The following ZNF600 variants were observed in gnomAD, a reference collection of about 807,000 sequenced individuals.
ZNF600 encodes zinc finger protein 600.
A neutral mutation model predicts 7.3 loss-of-function variants in ZNF600; 4 were observed. That is an observed-to-expected ratio of 0.55 (90% confidence interval 0.27 to 1.25). The LOEUF (loss-of-function observed/expected upper bound fraction) is 1.25. Ranked by LOEUF, ZNF600 falls within the 50% of genes most tolerant of loss-of-function variation. The probability of loss-of-function intolerance (pLI) is 0.12; values close to 1 mark genes in which losing one functional copy is unlikely to be tolerated. For missense variants in ZNF600, 911 were observed against 922.1 expected, an observed-to-expected ratio of 0.99 and a Z score of 0.16; for synonymous variants, 290 against 308.9, an observed-to-expected ratio of 0.94 and a Z score of 0.64.
At chr19:52,825,728 G>A in the ZNF600 span, among the ~76,000 whole-genome samples, 7,387 of 152,084 alleles carry the variant, frequency 0.049, 231 homozygotes, top group East Asian at 0.15. Flanking sequence ...GCTCATGCCT[G>A]TAATCCCAGC....
the ZNF600 span, among the ~76,000 whole-genome samples, chr19:52,797,258 C>A: frequency 6.6e-6 from 1 of 152,192 alleles, no homozygotes; most frequent in Non-Finnish European, 1.5e-5. Flanking sequence ...CATGAAACGA[C>A]CACAGTGGAA....
At chr19:52,790,739 T>G (rs1219198269), upstream of ZNF600, among the ~76,000 whole-genome samples, 12 of 141,478 alleles carry the variant, frequency 8.5e-5, no homozygotes. Context: ...CAGCCTGGAG[T>G]GCAGTGGCAC....
chr19:52,798,976 G>C, the ZNF600 span: 1 of 1,177,748 alleles, frequency 8.5e-7, no homozygotes, highest in South Asian at 1.4e-5. Context: ...GGTGTGCCAG[G>C]TGTGAATCAC....
chr19:52,773,185 G>A (rs868137033), intron 3 of ZNF600, among the ~76,000 whole-genome samples: 2,218 of 152,034 alleles, frequency 0.015, 21 homozygotes, highest in African/African-American at 0.05. Context: ...ATGTAGGAGT[G>A]AACTTTGTGC....
chr19:52,801,027 C>T, the ZNF600 span: 3 of 1,614,160 alleles, frequency 1.9e-6, no homozygotes, highest in Non-Finnish European at 2.5e-6. Context: ...ACACTCATTA[C>T]ACTTGTAAGG....
chr19:52,798,808 G>T, the ZNF600 span: 1 of 820,332 alleles, frequency 1.2e-6, no homozygotes, highest in Non-Finnish European at 2.0e-6. Flanking sequence ...GATTTGCAAT[G>T]GTTGTAGCAT....
Position 52,774,458 on chromosome 19 carries a change from CAAAAAAA to C in ZNF600, c.190+110_190+116del, listed in dbSNP as rs35098902. The C allele has an allele frequency of 2.5e-4, 205 of 814,936 alleles. 1 individual carries two copies. Among genetic ancestry groups the C allele is most frequent in the Middle Eastern group, 6.3e-4 (1 of 1,582 alleles). 50.5% of individuals were successfully genotyped at this position (814,936 alleles called of 1,614,324 possible). A position where few individuals can be genotyped will look rare whatever the true frequency, so the allele number is the denominator to read the frequency against. On this transcript the variant is annotated intron_variant, in intron 3 of 3. Coordinates refer to ENST00000648973, the Ensembl canonical transcript of ZNF600. ...CAAAAAAACAAAACAAAAAAACAAC[CAAAAAAA>C]AAAAAAAAGCCATGCATGGGGCAAA...
chr19:52,781,773 A>C lies in ZNF600; in HGVS notation c.-19-2866T>G, dbSNP rs890773250. On this transcript the variant is annotated intron_variant, in intron 1 of 3. Coordinates refer to ENST00000648973, the Ensembl canonical transcript of ZNF600. ...GTGACACTCTATCTTAAAAAAAAAA[A>C]AAACAGCGGTCAGGCAAGGTGGCTC... 3.3e-5 allele frequency among the ~76,000 whole-genome samples: 5 copies of C among 151,876 alleles called. No individual in the cohort carries two copies. The South Asian group carries it at 6.2e-4, about 19-fold the overall frequency.
chr19:52,798,846 A>G, the ZNF600 span: 1 of 1,172,080 alleles, frequency 8.5e-7, no homozygotes, highest in Non-Finnish European at 1.2e-6. Context: ...CAATCATTAT[A>G]TTAGTCAAGT....
the ZNF600 span, among the ~76,000 whole-genome samples, chr19:52,796,864 G>A: frequency 6.6e-6 from 1 of 152,162 alleles, no homozygotes; most frequent in African/African-American, 2.4e-5. Flanking sequence ...CCTTCTGAGT[G>A]CCTCAAACTA....
the ZNF600 span, among the ~76,000 whole-genome samples, chr19:52,793,062 C>T: frequency 6.6e-6 from 1 of 150,768 alleles, no homozygotes; most frequent in African/African-American, 2.4e-5. Context: ...AACACTTTAA[C>T]GTCAATTAAT....
At chr19:52,816,715 C>T in the ZNF600 span, among the ~76,000 whole-genome samples, 1 of 120,718 alleles carries the variant, frequency 8.3e-6, no homozygotes, top group Non-Finnish European at 1.6e-5. Flanking sequence ...ACCTATAATC[C>T]CAGCTACTAG....
chr19:52,771,770 G>A (rs544344698), intron 3 of ZNF600, among the ~76,000 whole-genome samples: 2 of 152,084 alleles, frequency 1.3e-5, no homozygotes, highest in East Asian at 1.9e-4. Flanking sequence ...GAGCCATCAC[G>A]CCCGTCCAAT....
At chr19:52,817,316 G>C in the ZNF600 span, among the ~76,000 whole-genome samples, 2 of 151,986 alleles carry the variant, frequency 1.3e-5, no homozygotes, top group Non-Finnish European at 2.9e-5. Context: ...AGGTTGCGGT[G>C]AGCTGAGATC....
At chr19:52,797,339 T>C in the ZNF600 span, 1 of 152,370 alleles carries the variant, frequency 6.6e-6, no homozygotes, top group African/African-American at 2.4e-5. Flanking sequence ...TCTCACCCTT[T>C]CTATTCAATC....
In ZNF600 at chr19:52,766,224, G is replaced by A. The variant is rs1396038065; in HGVS notation, c.1739C>T (p.Ser580Leu). The A allele has an allele frequency of 3.7e-6, 6 of 1,613,570 alleles. No homozygotes were observed. Among genetic ancestry groups the A allele is most frequent in the Non-Finnish European group, 5.1e-6 (6 of 1,179,964 alleles). The change falls in exon 4 of 4, where the codon TCA (serine) becomes TTA (leucine). Residue 580 changes from serine to leucine, a missense_variant. Physicochemically the swap from Ser to Leu is moderately radical, Grantham distance 145. Coordinates refer to ENST00000648973, the Ensembl canonical transcript of ZNF600. Reference sequence around the variant, plus strand: ...AACTCTGCGATGGCTTGCAAGGTATGACCTCAGACGGAAGGTCTTGCTGCA... The same window carrying A: ...AACTCTGCGATGGCTTGCAAGGTATAACCTCAGACGGAAGGTCTTGCTGCA...
the ZNF600 span, among the ~76,000 whole-genome samples, chr19:52,811,027 T>C: frequency 1.4e-5 from 2 of 146,202 alleles, no homozygotes; most frequent in African/African-American, 5.0e-5. Context: ...GTGCCTGCGA[T>C]TGCAGGCACG....
chr19:52,803,129 G>A, the ZNF600 span, among the ~76,000 whole-genome samples: 2 of 152,060 alleles, frequency 1.3e-5, no homozygotes, highest in South Asian at 2.1e-4. Context: ...ACCCAGGCTG[G>A]AGTGCAATGG....
intron 2 of ZNF600, among the ~76,000 whole-genome samples, chr19:52,777,717 A>T (rs2062687599): frequency 6.6e-6 from 1 of 151,938 alleles, no homozygotes; most frequent in Non-Finnish European, 1.5e-5. Flanking sequence ...AAGTCCCAGC[A>T]ACTCAGGAGG....
Sources: allele counts gnomAD v4.1 joint callset (sites outside exome capture counted in the v4.1 genomes callset), GRCh38; gene constraint gnomAD v4.1.1; transcripts MANE v1.5; gene names NCBI Gene and HGNC (gene_info 2026-07-23, HGNC 2026-07-21).